PACRGL: variants seen among roughly 807,000 people sequenced by gnomAD.
PACRGL encodes PACRG-like protein.
A neutral mutation model predicts 34.5 loss-of-function variants in PACRGL; 38 were observed. The observed-to-expected ratio is 1.10, with a 90% CI of 0.85 to 1.44. PACRGL has a LOEUF of 1.44. Among genes scored for constraint, PACRGL ranks in the 40% most tolerant of loss-of-function variants. The pLI, the probability that PACRGL is intolerant of heterozygous loss-of-function variation, is 0.00. For synonymous variants in PACRGL, 128 were observed against 100.1 expected, an observed-to-expected ratio of 1.28 and a Z score of -1.66; for missense variants, 305 against 281.4, an observed-to-expected ratio of 1.08 and a Z score of -0.60.
chr4:20,729,935 G>A lies in PACRGL; in HGVS notation c.*2594G>A. On this transcript the variant is annotated 3_prime_UTR_variant, in exon 9 of 9. Transcript: ENST00000503585. ...TATAACTGAAAGCTCAAATCTTTTG[G>A]GGATTGCTTTATATTAAAACAAAGC... 1 of 861,034 alleles carries A rather than the reference G, an allele frequency of 1.2e-6. No individual in the cohort carries two copies. The allele number at this position is 861,034 out of a possible 1,614,324, so 53.3% of individuals were successfully genotyped here.
Position 20,752,055 on chromosome 4 carries a change from G to GTTTTTTTTTT in PACRGL, c.*57-499_*57-490dup, listed in dbSNP as rs33912651. Among the ~76,000 whole-genome samples, 8 of 121,666 alleles carry GTTTTTTTTTT rather than the reference G, an allele frequency of 6.6e-5. 1 individual carries two copies. In the East Asian group the frequency reaches 1.2e-3, roughly 18 times the overall value. 79.8% of individuals were successfully genotyped at this position (121,666 alleles called of 152,430 possible). ...ACAATATCAGTATGTACTTCATAGA[G>GTTTTTTTTTT]TTTTTTTTTTTTTTTTTTTTGAGAC... On this transcript the variant is annotated intron_variant, in intron 8 of 8. Transcript: ENST00000507634.
At chr4:20,706,224 A>G (rs1176026334) in intron 3 of PACRGL, among the ~76,000 whole-genome samples, 3 of 152,130 alleles carry the variant, frequency 2.0e-5, no homozygotes, top group Non-Finnish European at 4.4e-5. Flanking sequence ...TTATCTCTAG[A>G]ATAAAATTGA....
intron 8 of PACRGL, among the ~76,000 whole-genome samples, chr4:20,747,675 C>T (rs1045072696): frequency 3.9e-5 from 6 of 152,086 alleles, no homozygotes; most frequent in African/African-American, 1.2e-4. Context: ...TTTCTCTTCT[C>T]AGTGCTATTT....
At chr4:20,714,787 A>G (rs1473238313) in intron 7 of PACRGL, among the ~76,000 whole-genome samples, 2 of 152,166 alleles carry the variant, frequency 1.3e-5, no homozygotes, top group African/African-American at 2.4e-5. Context: ...GGTGTTGGAG[A>G]GGATGTGGAG....
At chr4:20,757,884 G>C (rs1012481927), downstream of PACRGL, among the ~76,000 whole-genome samples, 49 of 152,162 alleles carry the variant, frequency 3.2e-4, no homozygotes, top group African/African-American at 1.1e-3. Flanking sequence ...AACTCATCTG[G>C]AGAGTCTCTT....
intron 8 of PACRGL, among the ~76,000 whole-genome samples, chr4:20,743,987 A>G (rs1390277133): frequency 6.6e-6 from 1 of 152,226 alleles, no homozygotes; most frequent in Non-Finnish European, 1.5e-5. Flanking sequence ...GAAGACATTT[A>G]TGCAGCCACC....
chr4:20,736,184 T>C (rs907462755), downstream of PACRGL, among the ~76,000 whole-genome samples: 4 of 152,234 alleles, frequency 2.6e-5, no homozygotes, highest in African/African-American at 9.6e-5. Flanking sequence ...CAAGGAATTT[T>C]TGTGCATACA....
Position 20,731,188 on chromosome 4 carries a change from G to A in PACRGL, c.*3847G>A, listed in dbSNP as rs1409508090. 1 of 155,562 alleles carries A rather than the reference G, an allele frequency of 6.4e-6. No homozygotes were observed. The highest frequency in any genetic ancestry group is 2.4e-5 in the African/African-American group (1 of 41,454). 9.6% of individuals were successfully genotyped at this position (155,562 alleles called of 1,614,324 possible). A position where few individuals can be genotyped will look rare whatever the true frequency, so the allele number is the denominator to read the frequency against. ...GGGATCAAGTGATCTTCCTGCCTCA[G>A]CCTCCCAAGTAGCTGAGACTTCAGC... On this transcript the variant is annotated 3_prime_UTR_variant, in exon 9 of 9. Transcript: ENST00000503585.
chr4:20,733,626 G>A (rs1167194257), downstream of PACRGL, among the ~76,000 whole-genome samples: 5 of 152,200 alleles, frequency 3.3e-5, no homozygotes, highest in Admixed American at 1.3e-4. Context: ...TTCTTGAGAT[G>A]TGTTAAACAC....
At chr4:20,733,574 A>C (rs1748873055), downstream of PACRGL, among the ~76,000 whole-genome samples, 1 of 152,202 alleles carries the variant, frequency 6.6e-6, no homozygotes, top group African/African-American at 2.4e-5. Flanking sequence ...AGATGTTTTA[A>C]GCATAGATAA....
Position 20,731,279 on chromosome 4 carries a change from G to T in PACRGL, c.*3938G>T. 2.1e-6 allele frequency: 1 copy of T among 472,984 alleles called. No individual in the cohort carries two copies. Among genetic ancestry groups the T allele is most frequent in the Non-Finnish European group, 2.8e-6 (1 of 361,882 alleles). The allele number at this position is 472,984 out of a possible 1,614,324, so 29.3% of individuals were successfully genotyped here. ...GAGATAGATAGGGTCTTGCTATGTT[G>T]CCCACATTGGACTCAAAATCCTGGC... On this transcript the variant is annotated 3_prime_UTR_variant, in exon 9 of 9. Coordinates refer to ENST00000503585, the MANE Select transcript of PACRGL (RefSeq NM_001258345.3).
intron 1 of PACRGL, 109 bp from the exon 2 acceptor site, chr4:20,704,357 G>A (rs1209768440): frequency 1.4e-5 from 14 of 976,208 alleles, no homozygotes; most frequent in Middle Eastern, 2.2e-4. Context: ...CAACTTTTTT[G>A]TGTGTCTTTT....
At chr4:20,749,781 A>G (rs772163502) in intron 8 of PACRGL, 10 of 1,289,952 alleles carry the variant, frequency 7.8e-6, no homozygotes, top group African/African-American at 4.4e-5. Context: ...TCCATATCCT[A>G]CATAAGACTT....
chr4:20,735,179 G>T (rs2149276112), downstream of PACRGL, among the ~76,000 whole-genome samples: 1 of 152,304 alleles, frequency 6.6e-6, no homozygotes, highest in South Asian at 2.1e-4. Context: ...TCTTTAATTA[G>T]AAATCCAGTT....
At chr4:20,764,021 A>T in the PACRGL span, among the ~76,000 whole-genome samples, 1 of 152,196 alleles carries the variant, frequency 6.6e-6, no homozygotes, top group Non-Finnish European at 1.5e-5. Flanking sequence ...GGATCCAAGA[A>T]GCAGTAGGGT....
At chr4:20,714,527 T>A (rs1458685352) in intron 7 of PACRGL, among the ~76,000 whole-genome samples, 2 of 152,182 alleles carry the variant, frequency 1.3e-5, no homozygotes, top group African/African-American at 4.8e-5. Context: ...GATGTGTGAA[T>A]TTGATCCCGT....
At chr4:20,721,261 T>C (rs927355325) in intron 7 of PACRGL, among the ~76,000 whole-genome samples, 1 of 152,206 alleles carries the variant, frequency 6.6e-6, no homozygotes, top group Non-Finnish European at 1.5e-5. Context: ...TTCTTTGCAA[T>C]GGGTTCAAAC....
rs923892074 is a variant in PACRGL at position 20,741,966 on chromosome 4, C to A, written c.*57-10599C>A. Among the ~76,000 whole-genome samples the A allele has an allele frequency of 2.0e-5, 3 of 152,166 alleles. No individual in the cohort carries two copies. In the South Asian group the frequency reaches 6.2e-4, roughly 32 times the overall value. On this transcript the variant is annotated intron_variant, in intron 8 of 8. Coordinates refer to the PACRGL transcript ENST00000507634. ...CCTCTATGCGAATAAACTAGAAAAT[C>A]TAGAAGAATGGATAAATTCCTGGAC...
At chr4:20,750,458 G>T (rs1323433517) in intron 8 of PACRGL, among the ~76,000 whole-genome samples, 1 of 152,170 alleles carries the variant, frequency 6.6e-6, no homozygotes, top group Middle Eastern at 3.2e-3. Context: ...CCCCTACTCT[G>T]TCTGGGTCCT....
Sources: allele counts gnomAD v4.1 joint callset (sites outside exome capture counted in the v4.1 genomes callset), GRCh38; gene constraint gnomAD v4.1.1; transcripts MANE v1.5; gene names NCBI Gene and HGNC (gene_info 2026-07-23, HGNC 2026-07-21).